NAV3: variants seen among roughly 807,000 people sequenced by gnomAD.
The protein encoded by NAV3 is neuron navigator 3.
Under a neutral mutation model 244.7 loss-of-function variants are expected in NAV3, and 87 were observed. The observed-to-expected ratio is 0.36, with a 90% CI of 0.30 to 0.42. The LOEUF (loss-of-function observed/expected upper bound fraction) is 0.42. Among genes scored for constraint, NAV3 ranks in the 20% least tolerant of loss-of-function variants. The pLI is 1.00. For synonymous variants in NAV3, 1,126 were observed against 1,042.2 expected (o/e 1.08, Z -1.55); for missense variants, 2,663 against 2,893.3 (o/e 0.92, Z 1.83).
At chr12:77,968,428 T>C (rs1028834953) in intron 4 of NAV3, 91 bp from the exon 5 acceptor site, 8 of 1,018,314 alleles carry the variant, frequency 7.9e-6, no homozygotes, top group South Asian at 2.8e-5. Flanking sequence ...TCTGTCTTCA[T>C]AGATTTATTT....
chr12:78,155,557 AT>A (rs1387799098), intron 22 of NAV3, among the ~76,000 whole-genome samples: 3 of 152,000 alleles, frequency 2.0e-5, no homozygotes, highest in Admixed American at 2.0e-4. Context: ...TACTGGGTCA[AT>A]TTCTGCTTCC....
Position 77,574,381 on chromosome 12 carries a change from G to T in NAV3, c.72+2115G>T, listed in dbSNP as rs2172107. Among the ~76,000 whole-genome samples the T allele has an allele frequency of 3.3e-5, 5 of 151,894 alleles. No homozygotes were observed. In the East Asian group the frequency reaches 9.7e-4, roughly 29 times the overall value. On this transcript the variant is annotated intron_variant, in intron 2 of 8. Transcript: ENST00000550042. ...AGTCTCAATGACACAATGAGTCACAGTGAGTTTAAATTAAAGAAAAATTGA... is the reference window on the plus strand; with the variant it reads ...AGTCTCAATGACACAATGAGTCACATTGAGTTTAAATTAAAGAAAAATTGA...
At chr12:77,977,860 T>C (rs1314530857) in intron 5 of NAV3, among the ~76,000 whole-genome samples, 3 of 152,228 alleles carry the variant, frequency 2.0e-5, no homozygotes, top group South Asian at 2.1e-4. Context: ...GTAGATAATT[T>C]GAATTAGGGC....
At chr12:77,762,109 T>C (rs766774780) in intron 2 of NAV3, among the ~76,000 whole-genome samples, 2 of 152,090 alleles carry the variant, frequency 1.3e-5, no homozygotes, top group Non-Finnish European at 2.9e-5. Context: ...TAAAAAAGGA[T>C]GAGTTCATGT....
intron 1 of NAV3, among the ~76,000 whole-genome samples, chr12:77,914,153 T>C (rs1230128339): frequency 6.6e-6 from 1 of 152,150 alleles, no homozygotes; most frequent in Non-Finnish European, 1.5e-5. Context: ...ATTTATGTTT[T>C]GTACCAGTGC....
At position 77,588,573 on chromosome 12, in the gene NAV3, A is replaced by G. The variant is rs149001757; in HGVS notation, c.72+16307A>G. 1.7e-4 allele frequency among the ~76,000 whole-genome samples: 26 copies of G among 152,218 alleles called. No individual in the cohort carries two copies. In the East Asian group the frequency reaches 5.0e-3, roughly 29 times the overall value. On this transcript the variant is annotated intron_variant, in intron 2 of 8. Coordinates refer to the NAV3 transcript ENST00000550042. ...TTTTCATGGATACCTTTTGTTTCTA[A>G]TCACAAGGTTTCAGGCACCTTAAGT...
At chr12:77,951,199 C>T (rs1471312902) in intron 3 of NAV3, among the ~76,000 whole-genome samples, 1 of 152,104 alleles carries the variant, frequency 6.6e-6, no homozygotes, top group Non-Finnish European at 1.5e-5. Flanking sequence ...CCAGAATCTA[C>T]AAAGAACTCA....
intron 8 of NAV3, among the ~76,000 whole-genome samples, chr12:78,018,854 C>T (rs898383785): frequency 1.3e-5 from 2 of 152,032 alleles, no homozygotes. Flanking sequence ...CGTTCAGAGA[C>T]AATAGGTTAG....
At chr12:77,703,656 A>G (rs1206523129) in intron 2 of NAV3, among the ~76,000 whole-genome samples, 1 of 152,186 alleles carries the variant, frequency 6.6e-6, no homozygotes, top group Non-Finnish European at 1.5e-5. Flanking sequence ...TGAGGGTTCA[A>G]ATTCCCTCCC....
intron 1 of NAV3, among the ~76,000 whole-genome samples, chr12:77,893,821 G>T (rs899281734): frequency 6.6e-6 from 1 of 152,196 alleles, no homozygotes; most frequent in African/African-American, 2.4e-5. Flanking sequence ...ATATCTTCAA[G>T]TTGCTCTAAG....
chr12:77,639,195 A>T lies in NAV3; in HGVS notation c.72+66929A>T, dbSNP rs180873807. On this transcript the variant is annotated intron_variant, in intron 2 of 8. Coordinates refer to the NAV3 transcript ENST00000550042. ...AGAATCTGTAAACAGATTTAAAAAAATTTTTTTTATCCTCATCTTGTATGT... is the reference window on the plus strand; with the variant it reads ...AGAATCTGTAAACAGATTTAAAAAATTTTTTTTTATCCTCATCTTGTATGT... Among the ~76,000 whole-genome samples, 114 of 152,180 alleles carry T rather than the reference A, an allele frequency of 7.5e-4. 1 individual carries two copies. The South Asian group carries it at 0.018, about 24-fold the overall frequency.
chr12:78,190,024 G>T lies in NAV3; in HGVS notation c.6096G>T (p.Thr2032=). The change falls in exon 34 of 40, where the codon ACG becomes ACT. Residue 2032 remains threonine (T), a synonymous_variant. Coordinates refer to ENST00000397909, the MANE Select transcript of NAV3 (RefSeq NM_001024383.2). ...ENSLDSFVFD[T]LIPKPITQRY... ...GTTTGGACAGTTTTGTTTTTGATAC[G>T]CTGATTCCTAAACCAATTACCCAAA... The T allele has an allele frequency of 6.2e-7, 1 of 1,612,840 alleles. No homozygotes were observed. Among genetic ancestry groups the T allele is most frequent in the Non-Finnish European group, 8.5e-7 (1 of 1,179,314 alleles).
intron 2 of NAV3, among the ~76,000 whole-genome samples, chr12:77,622,778 C>T (rs1420346644): frequency 1.3e-5 from 2 of 151,926 alleles, no homozygotes; most frequent in Non-Finnish European, 2.9e-5. Context: ...ATTTATGAAA[C>T]ATAAAGTTGG....
chr12:77,645,989 A>G (rs930647617), intron 2 of NAV3, among the ~76,000 whole-genome samples: 2 of 152,140 alleles, frequency 1.3e-5, no homozygotes, highest in African/African-American at 4.8e-5. Context: ...ACTAGATTTT[A>G]TCAAACTAAT....
At chr12:78,016,422 A>G (rs2136725752) in intron 8 of NAV3, among the ~76,000 whole-genome samples, 1 of 152,100 alleles carries the variant, frequency 6.6e-6, no homozygotes, top group South Asian at 2.1e-4. Context: ...CTTTTTGTCA[A>G]CCATGAGAAA....
At chr12:77,747,852 G>T (rs1868633623) in intron 2 of NAV3, among the ~76,000 whole-genome samples, 2 of 151,926 alleles carry the variant, frequency 1.3e-5, no homozygotes, top group South Asian at 4.1e-4. Context: ...ATGGACACAG[G>T]AAGGGGAACA....
At chr12:77,941,918 TAAATG>T (rs1889909099) in intron 3 of NAV3, among the ~76,000 whole-genome samples, 2 of 152,206 alleles carry the variant, frequency 1.3e-5, no homozygotes, top group East Asian at 3.8e-4. Flanking sequence ...ATAGGCATTT[TAAATG>T]AATTTAATGA....
chr12:77,596,197 C>G (rs888533865), intron 2 of NAV3, among the ~76,000 whole-genome samples: 3 of 152,084 alleles, frequency 2.0e-5, no homozygotes, highest in Non-Finnish European at 4.4e-5. Flanking sequence ...CTCTGAGTCT[C>G]TTGTATTCAA....
intron 2 of NAV3, among the ~76,000 whole-genome samples, chr12:77,741,145 A>C (rs2253292): frequency 8.1e-6 from 1 of 122,984 alleles, no homozygotes; most frequent in Admixed American, 8.0e-5. Flanking sequence ...GAAAAAAAAA[A>C]GACAAAAAAA....
Sources: gnomAD v4.1 joint callset for allele counts (sites outside exome capture counted in the v4.1 genomes callset) on GRCh38, gnomAD v4.1.1 for gene constraint, MANE v1.5 for transcripts, NCBI Gene and HGNC (gene_info 2026-07-23, HGNC 2026-07-21) for gene names.